SHANK1: variants seen among roughly 807,000 people sequenced by gnomAD.
The protein encoded by SHANK1 is SH3 and multiple ankyrin repeat domains 1, also known as SH3 and multiple ankyrin repeat domains protein 1.
Under a neutral mutation model 165.6 loss-of-function variants are expected in SHANK1, and 35 were observed. That is an observed-to-expected ratio of 0.21 (90% CI 0.16 to 0.28). SHANK1 has a LOEUF of 0.28. Ranked by LOEUF, SHANK1 falls within the 10% of genes least tolerant of loss-of-function variation. The probability of loss-of-function intolerance (pLI) is 1.00; values close to 1 mark genes in which losing one functional copy is unlikely to be tolerated. For synonymous variants in SHANK1, 1,428 were observed against 1,384.8 expected (o/e 1.03, Z -0.69); for missense variants, 2,681 against 3,036.4 (o/e 0.88, Z 2.75).
chr19:50,673,608 G>A (rs932490716), intron 21 of SHANK1, among the ~76,000 whole-genome samples: 2 of 152,028 alleles, frequency 1.3e-5, no homozygotes, highest in Non-Finnish European at 2.9e-5. Context: ...TTTACTTGCT[G>A]TCTGTTTCCT....
At chr19:50,709,918 G>A (rs2088988324) in intron 8 of SHANK1, among the ~76,000 whole-genome samples, 1 of 152,184 alleles carries the variant, frequency 6.6e-6, no homozygotes, top group African/African-American at 2.4e-5. Context: ...ACTGGACCCT[G>A]ACTGACACTG....
Position 50,717,092 on chromosome 19 carries a change from ACACACCCTCGGCCTGCACGGCCT to A in SHANK1, c.-43-153_-43-131del, listed in dbSNP as rs2123210247. 1 of 724,694 alleles carries A rather than the reference ACACACCCTCGGCCTGCACGGCCT, an allele frequency of 1.4e-6. No individual in the cohort carries two copies. Among genetic ancestry groups the A allele is most frequent in the South Asian group, 4.0e-5 (1 of 25,190 alleles). The allele number at this position is 724,694 out of a possible 1,614,324, so 44.9% of individuals were successfully genotyped here. ...CCAAGATAGGCAGGAAGGAGGCTGG[ACACACCCTCGGCCTGCACGGCCT>A]CCCCTGCCGCCTCCTCCCACGCTGG... is the stretch of plus-strand genomic sequence containing the variant. On this transcript the variant is annotated intron_variant, in intron 1 of 23. Transcript: ENST00000293441. This position sits in a 1 kb window ranked among gnomAD's most constrained non-coding sequence, Gnocchi z 5.5.
At chr19:50,669,772 TA>T (rs398041052) in intron 22 of SHANK1, among the ~76,000 whole-genome samples, 26 of 147,394 alleles carry the variant, frequency 1.8e-4, no homozygotes, top group South Asian at 2.2e-4. Flanking sequence ...ATTGGATCTA[TA>T]AAAAAAAAAA....
rs369379586 is a variant in SHANK1 at position 50,689,128 on chromosome 19, C to A, written c.2047+69G>T. ...GGCTGGGGTCCCTTCCCCTTTCCAG[C>A]CCCCATTTTCAGCCCTGCTTCTGGG... On this transcript the variant is annotated intron_variant, in intron 16 of 23. Coordinates refer to ENST00000293441, the MANE Select transcript of SHANK1 (RefSeq NM_016148.5). 3 of 1,340,066 alleles carry A rather than the reference C, an allele frequency of 2.2e-6. No homozygotes were observed. The African/African-American group carries it at 4.4e-5, about 19-fold the overall frequency. 83.0% of individuals were successfully genotyped at this position (1,340,066 alleles called of 1,614,324 possible).
rs1689148411 is a variant in SHANK1 at position 50,704,310 on chromosome 19, T to A, written c.1156-124A>T. 1.8e-5 allele frequency: 24 copies of A among 1,313,988 alleles called. No homozygotes were observed. In the South Asian group the frequency reaches 2.6e-4, roughly 14 times the overall value. 81.4% of individuals were successfully genotyped at this position (1,313,988 alleles called of 1,614,324 possible). On this transcript the variant is annotated intron_variant, in intron 9 of 23. Transcript: ENST00000293441. ...ACTCCGACAATGCCGCCCTCTGTCT[T>A]CTTCCAGCTCCCCCTCCACGGCCTG...
chr19:50,713,266 T>A lies in SHANK1; in HGVS notation c.792+532A>T, dbSNP rs914975063. Among the ~76,000 whole-genome samples the A allele has an allele frequency of 2.6e-5, 4 of 151,892 alleles. No individual in the cohort carries two copies. Among genetic ancestry groups the A allele is most frequent in the Admixed American group, 2.0e-4 (3 of 15,252 alleles). The stretch of plus-strand genomic sequence containing the variant: ...TAGACTGTGCAGCTGCCGCTGTGTA[T>A]GTATTTTGTGGGTGTATGGGTTTGT... On this transcript the variant is annotated intron_variant, in intron 6 of 23. Coordinates refer to ENST00000293441, the MANE Select transcript of SHANK1 (RefSeq NM_016148.5). This position sits in a 1 kb window ranked among gnomAD's most constrained non-coding sequence, Gnocchi z 6.2.
rs1986785627 is a variant in SHANK1, at chr19:50,697,682, A to G, written c.1862-18T>C. Reference sequence around the variant, plus strand: ...GCGGCTTTCTGCAGGGTGACAACAGACAACCTTGGACTCTTGTTTTGGAAA... The same window carrying G: ...GCGGCTTTCTGCAGGGTGACAACAGGCAACCTTGGACTCTTGTTTTGGAAA... On this transcript the variant is annotated intron_variant, in intron 13 of 23. Transcript: ENST00000293441. This position sits in a 1 kb window ranked among gnomAD's most constrained non-coding sequence, Gnocchi z 4.7. 6.2e-7 allele frequency: 1 copy of G among 1,611,872 alleles called. No homozygotes were observed.
chr19:50,703,674 C>T lies in SHANK1; in HGVS notation c.1379G>A (p.Gly460Glu), dbSNP rs1420750562. 4.1e-5 allele frequency: 60 copies of T among 1,478,706 alleles called. No individual in the cohort carries two copies. In the East Asian group the frequency reaches 1.4e-3, roughly 35 times the overall value. The allele number at this position is 1,478,706 out of a possible 1,614,324, so 91.6% of individuals were successfully genotyped here. A position where few individuals can be genotyped will look rare whatever the true frequency, so the allele number is the denominator to read the frequency against. ...GGACCCTGAGGTAGGGCCAGGGGCC[C>T]CAGAGGACGCGGCCCCCGGGGCGGA... ...VFSAPGAASS[G>E]APGPTSGSQG... is the part of the protein sequence containing the mutation. Residue 460 changes from glycine to glutamate, a missense_variant, in exon 11 of 24, where the codon GGG becomes GAG. Gly to Glu is a moderately conservative substitution (Grantham distance 98). Around this residue, in one of 10 missense-constraint regions of SHANK1, gnomAD observed 195 missense variants for 186.2 expected, o/e 1.05. Coordinates refer to ENST00000293441, the MANE Select transcript of SHANK1 (RefSeq NM_016148.5).
At position 50,703,787 on chromosome 19, in the gene SHANK1, C is replaced by T; in HGVS notation, c.1266G>A (p.Gly422=). The T allele has an allele frequency of 7.0e-7, 1 of 1,426,556 alleles. No homozygotes were observed. 88.4% of individuals were successfully genotyped at this position (1,426,556 alleles called of 1,614,324 possible). The part of the protein sequence containing the change: ...ESPKYAARRR[G]PPGTGLTVPP... ...GCACCGTCAGCCCTGTGCCTGGGGG[C>T]CCCCGTCGCCGGGCCGCGTACTTGG... is the stretch of plus-strand genomic sequence containing the variant. Residue 422 remains glycine (G), a synonymous_variant, in exon 11 of 24, where the codon GGG becomes GGA. Transcript: ENST00000293441.
rs769604924 is a variant in SHANK1, at chr19:50,662,421, C to T, written c.6030G>A (p.Lys2010=). 1 of 1,562,150 alleles carries T rather than the reference C, an allele frequency of 6.4e-7. No individual in the cohort carries two copies. The highest frequency in any genetic ancestry group is 1.2e-5 in the South Asian group (1 of 82,304). Residue 2010 remains lysine (K), a synonymous_variant, in exon 24 of 24, where the codon AAG becomes AAA. Transcript: ENST00000293441. The surrounding 1 kb of genome is among the most constrained non-coding windows in gnomAD (Gnocchi z 7.7). ...SPSLLPASEH[K]VSPAPRPSSL... The stretch of plus-strand genomic sequence containing the variant: ...ACGAGGGCCTGGGCGCAGGGCTGAC[C>T]TTGTGCTCCGAGGCGGGCAGCAGCG...
chr19:50,687,220 G>A (rs1986377819), intron 19 of SHANK1, among the ~76,000 whole-genome samples: 1 of 151,972 alleles, frequency 6.6e-6, no homozygotes, highest in Non-Finnish European at 1.5e-5. Context: ...TCTGGAGGGA[G>A]GGGCTCGCTT....
intron 8 of SHANK1, among the ~76,000 whole-genome samples, chr19:50,708,340 G>A (rs2088969679): frequency 6.6e-6 from 1 of 152,160 alleles, no homozygotes; most frequent in South Asian, 2.1e-4. Context: ...CTCTTACAAA[G>A]CTGAGAAGGT....
chr19:50,712,153 G>T, intron 6 of SHANK1, 39 bp from the exon 7 acceptor site: 1 of 1,544,876 alleles, frequency 6.5e-7, no homozygotes, highest in South Asian at 1.3e-5. Flanking sequence ...AAACACAGAT[G>T]ACAGTCACAC....
chr19:50,719,006 C>T (rs1380746066), intron 1 of SHANK1, among the ~76,000 whole-genome samples: 1 of 148,864 alleles, frequency 6.7e-6, no homozygotes, highest in Non-Finnish European at 1.5e-5. Flanking sequence ...TAGACCCTCG[C>T]TGGAGGGGAG....
rs907069146 is a variant in SHANK1, at chr19:50,697,707, A to G, written c.1862-43T>C. 1.9e-6 allele frequency: 3 copies of G among 1,595,658 alleles called. No homozygotes were observed. The highest frequency in any genetic ancestry group is 2.6e-6 in the Non-Finnish European group (3 of 1,163,856). ...ACAACCTTGGACTCTTGTTTTGGAA[A>G]CCACAATCCCAGCCCTAGAGCTCCT... On this transcript the variant is annotated intron_variant, in intron 13 of 23. Transcript: ENST00000293441. This position sits in a 1 kb window ranked among gnomAD's most constrained non-coding sequence, Gnocchi z 4.7.
chr19:50,674,265 G>A (rs867488261), intron 21 of SHANK1, among the ~76,000 whole-genome samples: 10 of 152,074 alleles, frequency 6.6e-5, no homozygotes, highest in Non-Finnish European at 1.3e-4. Flanking sequence ...GAGTAACAGG[G>A]AGAATCAGCC....
intron 23 of SHANK1, among the ~76,000 whole-genome samples, chr19:50,664,004 A>C (rs905181822): frequency 3.7e-5 from 5 of 134,664 alleles, no homozygotes; most frequent in African/African-American, 1.1e-4. Flanking sequence ...CCTTGGTGTC[A>C]TATCAGCTCA....
rs1986406742 is a variant in SHANK1 at position 50,687,834 on chromosome 19, G to A, written c.2308+89C>T. 56 of 1,537,748 alleles carry A rather than the reference G, an allele frequency of 3.6e-5. 1 individual carries two copies. The South Asian group carries it at 6.4e-4, about 18-fold the overall frequency. ...GGAGAAGCAGTGCTAGGGAAGGGAA[G>A]GCCTTGGGCAGCAGCAACCAGCCCT... On this transcript the variant is annotated intron_variant, in intron 18 of 23. Coordinates refer to ENST00000293441, the MANE Select transcript of SHANK1 (RefSeq NM_016148.5).
chr19:50,679,564 G>A (rs1274832764), intron 21 of SHANK1, among the ~76,000 whole-genome samples: 1 of 152,170 alleles, frequency 6.6e-6, no homozygotes, highest in Non-Finnish European at 1.5e-5. Flanking sequence ...AGCCTTGCAT[G>A]ACGTCACTGG....
Sources: allele counts gnomAD v4.1 joint callset (sites outside exome capture counted in the v4.1 genomes callset), GRCh38; gene constraint gnomAD v4.1.1; regional missense constraint gnomAD v4.1.1; non-coding constraint Gnocchi (gnomAD v3.1); transcripts MANE v1.5; gene names NCBI Gene and HGNC (gene_info 2026-07-23, HGNC 2026-07-21).